MTCL1: variants seen among roughly 807,000 people sequenced by gnomAD.
MTCL1 encodes microtubule cross-linking factor 1.
MTCL1 carries 79 observed loss-of-function variants against 141.4 expected under a neutral mutation model. The observed-to-expected ratio is 0.56, with a 90% CI of 0.47 to 0.67. MTCL1 has a LOEUF of 0.67. Ranked by LOEUF, MTCL1 falls within the 30% of genes least tolerant of loss-of-function variation. The pLI is 0.00. For missense variants in MTCL1, 2,177 were observed against 2,113.9 expected (o/e 1.03, Z -0.59); for synonymous variants, 914 against 875.8 (o/e 1.04, Z -0.77).
chr18:8,771,574 C>T (rs1039015526), intron 4 of MTCL1, among the ~76,000 whole-genome samples: 1 of 152,140 alleles, frequency 6.6e-6, no homozygotes, highest in African/African-American at 2.4e-5. Context: ...CAAAGTCTGT[C>T]TCTGACACAC....
In MTCL1 at chr18:8,822,611, C is replaced by T. The variant is rs143844026; in HGVS notation, c.3188+1113C>T. ...CAGCCCAAACTGCCTGGGTTTGAAT[C>T]GCTTCTGCCTCCTTGGGTAGGTTAC... On this transcript the variant is annotated intron_variant, in intron 14 of 16. Coordinates refer to ENST00000359865, the Ensembl canonical transcript of MTCL1. The surrounding 1 kb of genome is among the most constrained non-coding windows in gnomAD (Gnocchi z 4.6). Among the ~76,000 whole-genome samples, 4 of 152,326 alleles carry T rather than the reference C, an allele frequency of 2.6e-5. No individual in the cohort carries two copies. The highest frequency in any genetic ancestry group is 2.9e-5 in the Non-Finnish European group (2 of 68,026).
intron 11 of MTCL1, among the ~76,000 whole-genome samples, chr18:8,808,308 TGTTTATA>T (rs2076370994): frequency 7.0e-6 from 1 of 143,078 alleles, no homozygotes; most frequent in Non-Finnish European, 1.5e-5. Context: ...AAAAAAAATA[TGTTTATA>T]GGGGGAGTTA....
intron 4 of MTCL1, among the ~76,000 whole-genome samples, chr18:8,738,962 G>A (rs772110849): frequency 1.3e-4 from 20 of 152,190 alleles, no homozygotes; most frequent in Non-Finnish European, 2.4e-4. Context: ...TCCTGGCCAG[G>A]CATGGTGGAG....
At chr18:8,716,661 G>A (rs1227061824), upstream of MTCL1, among the ~76,000 whole-genome samples, 3 of 149,262 alleles carry the variant, frequency 2.0e-5, no homozygotes, top group Non-Finnish European at 4.4e-5. Flanking sequence ...AATAAATACA[G>A]GATTAGCATG....
At chr18:8,746,386 TG>T (rs527295241) in intron 4 of MTCL1, among the ~76,000 whole-genome samples, 255 of 151,910 alleles carry the variant, frequency 1.7e-3, no homozygotes, top group African/African-American at 6.0e-3. Context: ...TCCACATCCT[TG>T]CCAACTCTGG....
intron 10 of MTCL1, among the ~76,000 whole-genome samples, chr18:8,804,437 G>A (rs991416020): frequency 5.3e-5 from 8 of 151,930 alleles, no homozygotes; most frequent in Non-Finnish European, 8.8e-5. Context: ...ACTTTTTGAC[G>A]TGGAATTTTA....
intron 4 of MTCL1, among the ~76,000 whole-genome samples, chr18:8,732,873 C>G (rs962201987): frequency 2.0e-5 from 3 of 152,162 alleles, no homozygotes; most frequent in Non-Finnish European, 2.9e-5. Flanking sequence ...GATATGCTTT[C>G]GTGTGACCTT....
intron 7 of MTCL1, among the ~76,000 whole-genome samples, chr18:8,788,235 G>A (rs1410727150): frequency 2.6e-5 from 4 of 152,070 alleles, no homozygotes; most frequent in Non-Finnish European, 5.9e-5. Flanking sequence ...AGGTCCTGCC[G>A]GCAGCTTTCT....
intron 4 of MTCL1, among the ~76,000 whole-genome samples, chr18:8,727,600 A>G (rs991789184): frequency 5.3e-5 from 8 of 152,172 alleles, no homozygotes; most frequent in Admixed American, 1.3e-4. Context: ...CAATTGAGAA[A>G]TGTCTGTTCA....
intron 4 of MTCL1, among the ~76,000 whole-genome samples, chr18:8,767,672 G>A (rs1408799290): frequency 5.3e-5 from 8 of 151,984 alleles, no homozygotes; most frequent in East Asian, 1.9e-4. Flanking sequence ...GTGAGGCGGA[G>A]CAGAGGTTTA....
At chr18:8,708,211 C>T (rs1003382460) in intron 1 of MTCL1, among the ~76,000 whole-genome samples, 3 of 152,194 alleles carry the variant, frequency 2.0e-5, no homozygotes, top group Non-Finnish European at 4.4e-5. Context: ...CCCTGACTTA[C>T]TTTCTGATTG....
exon 15 of MTCL1, chr18:8,825,618 G>A (rs766732113): frequency 3.1e-6 from 5 of 1,613,886 alleles, no homozygotes; most frequent in East Asian, 2.2e-5. Flanking sequence ...GAGCAGACAG[G>A]TGGCCCCTGC....
intron 12 of MTCL1, among the ~76,000 whole-genome samples, chr18:8,815,697 T>C (rs1236412616): frequency 6.6e-6 from 1 of 150,848 alleles, no homozygotes; most frequent in African/African-American, 2.4e-5. Flanking sequence ...ACAGCCTCAT[T>C]TTGAGACTAT....
chr18:8,764,618 C>T (rs2096450579), intron 4 of MTCL1, among the ~76,000 whole-genome samples: 1 of 152,124 alleles, frequency 6.6e-6, no homozygotes, highest in South Asian at 2.1e-4. Context: ...GGCCCTGGCC[C>T]CTGCCCCCGC....
At chr18:8,823,246 C>T (rs66547285) in intron 14 of MTCL1, among the ~76,000 whole-genome samples, 2,991 of 152,226 alleles carry the variant, frequency 0.02, 83 homozygotes, top group African/African-American at 0.057. Flanking sequence ...GAGGTTAATG[C>T]CTCTGCTTTC....
At chr18:8,787,658 G>A (rs990642305) in intron 7 of MTCL1, among the ~76,000 whole-genome samples, 15 of 152,218 alleles carry the variant, frequency 9.9e-5, no homozygotes, top group African/African-American at 3.4e-4. Context: ...ATAGTGAAAG[G>A]CCAGGTCTAG....
chr18:8,794,160 C>G (rs1310922314), intron 8 of MTCL1, among the ~76,000 whole-genome samples: 1 of 152,108 alleles, frequency 6.6e-6, no homozygotes, highest in Non-Finnish European at 1.5e-5. Context: ...AGATAGATTC[C>G]TAAGTAATTA....
At chr18:8,725,717 A>C (rs2096203766) in intron 4 of MTCL1, among the ~76,000 whole-genome samples, 1 of 135,220 alleles carries the variant, frequency 7.4e-6, no homozygotes, top group Admixed American at 7.2e-5. Flanking sequence ...ATAATTGCGC[A>C]TTTTAATTTT....
chr18:8,786,120 C>CCCAA (rs775582104), intron 7 of MTCL1, 29 bp downstream of exon 6: 6 of 1,345,738 alleles, frequency 4.5e-6, no homozygotes, highest in Admixed American at 2.8e-5. Flanking sequence ...TCCCCCCCCC[C>CCCAA]CGCCCTCCCC....
Sources: allele counts gnomAD v4.1 joint callset (sites outside exome capture counted in the v4.1 genomes callset), GRCh38; gene constraint gnomAD v4.1.1; non-coding constraint Gnocchi (gnomAD v3.1); transcripts MANE v1.5; gene names NCBI Gene and HGNC (gene_info 2026-07-23, HGNC 2026-07-21).